MYO1D: variants seen among roughly 807,000 people sequenced by gnomAD.
MYO1D encodes myosin ID.
MYO1D carries 83 observed loss-of-function variants against 122.0 expected under a neutral mutation model. The observed-to-expected ratio is 0.68, with a 90% CI of 0.57 to 0.82. The LOEUF is 0.82. Ranked by LOEUF, MYO1D falls within the 40% of genes least tolerant of loss-of-function variation. The pLI is 0.00. For synonymous variants in MYO1D, 464 were observed against 446.9 expected, an observed-to-expected ratio of 1.04 and a Z score of -0.48; for missense variants, 1,157 against 1,269.5, an observed-to-expected ratio of 0.91 and a Z score of 1.35.
intron 14 of MYO1D, among the ~76,000 whole-genome samples, chr17:32,736,705 CAA>C: frequency 6.6e-6 from 1 of 152,258 alleles, no homozygotes; most frequent in Middle Eastern, 3.4e-3. Context: ...GTTTAGAAAA[CAA>C]AACAATTCTT....
intron 1 of MYO1D, among the ~76,000 whole-genome samples, chr17:32,839,792 G>A (rs1187336349): frequency 2.0e-5 from 3 of 152,100 alleles, no homozygotes; most frequent in Non-Finnish European, 4.4e-5. Flanking sequence ...CAGGGGATTT[G>A]TTATTCTGAA....
intron 3 of MYO1D, 65 bp from the exon 4 acceptor site, chr17:32,776,094 G>A: frequency 7.0e-7 from 1 of 1,434,056 alleles, no homozygotes; most frequent in Non-Finnish European, 9.6e-7. Flanking sequence ...TTAAAAACTG[G>A]ATTTTGCTAA....
chr17:32,508,208 T>C (rs914195626), intron 21 of MYO1D, among the ~76,000 whole-genome samples: 10 of 151,994 alleles, frequency 6.6e-5, no homozygotes, highest in African/African-American at 2.4e-4. Context: ...TGCTGGACTT[T>C]TATCTGGGAC....
chr17:32,670,971 T>C (rs1301735457), intron 16 of MYO1D, among the ~76,000 whole-genome samples: 1 of 152,174 alleles, frequency 6.6e-6, no homozygotes, highest in Non-Finnish European at 1.5e-5. Context: ...CCTCTGCCTG[T>C]GTCAATGGAG....
intron 5 of MYO1D, 59 bp downstream of exon 5, chr17:32,772,730 A>G (rs2090128421): frequency 2.9e-6 from 4 of 1,387,788 alleles, no homozygotes; most frequent in South Asian, 1.2e-5. Flanking sequence ...CAAGACACAA[A>G]TACTCATTTC....
intron 1 of MYO1D, among the ~76,000 whole-genome samples, chr17:32,783,494 G>A (rs1215989456): frequency 2.0e-5 from 3 of 152,288 alleles, no homozygotes; most frequent in East Asian, 1.9e-4. Context: ...TTTGGGTCCA[G>A]CCTGGACAAC....
chr17:32,706,305 C>T (rs996381291), intron 16 of MYO1D, among the ~76,000 whole-genome samples: 1 of 152,090 alleles, frequency 6.6e-6, no homozygotes, highest in African/African-American at 2.4e-5. Flanking sequence ...TGGGGTTTTG[C>T]CATAGTTGGC....
At chr17:32,674,461 G>C (rs1369688780) in intron 16 of MYO1D, among the ~76,000 whole-genome samples, 1 of 152,072 alleles carries the variant, frequency 6.6e-6, no homozygotes, top group African/African-American at 2.4e-5. Flanking sequence ...AGAAGGGAGA[G>C]AACACATCGT....
intron 16 of MYO1D, among the ~76,000 whole-genome samples, chr17:32,695,944 G>C (rs2150977251): frequency 6.6e-6 from 1 of 152,228 alleles, no homozygotes; most frequent in Admixed American, 6.5e-5. Flanking sequence ...TTTACTTTTA[G>C]GGGATCTTCA....
intron 1 of MYO1D, among the ~76,000 whole-genome samples, chr17:32,785,138 A>C (rs2090280853): frequency 6.6e-6 from 1 of 152,208 alleles, no homozygotes; most frequent in Admixed American, 6.5e-5. Flanking sequence ...CCTACTGAAC[A>C]TAAGGGACAA....
chr17:32,843,224 T>C (rs1287975306), intron 1 of MYO1D, among the ~76,000 whole-genome samples: 1 of 152,170 alleles, frequency 6.6e-6, no homozygotes, highest in East Asian at 1.9e-4. Context: ...GGAATTCCTC[T>C]TAAATTCAAG....
At chr17:32,495,112 C>T (rs1003733478) in intron 21 of MYO1D, among the ~76,000 whole-genome samples, 197 bp from the exon 22 acceptor site, 1 of 152,224 alleles carries the variant, frequency 6.6e-6, no homozygotes, top group Non-Finnish European at 1.5e-5. Flanking sequence ...ACAGCCTCGG[C>T]ACCATGGCAG....
At chr17:32,539,524 C>T (rs963643051) in intron 21 of MYO1D, among the ~76,000 whole-genome samples, 2 of 152,136 alleles carry the variant, frequency 1.3e-5, no homozygotes, top group African/African-American at 4.8e-5. Context: ...CCTCCAGAGC[C>T]TCTAGGGTTC....
At chr17:32,568,927 A>C (rs1400927230) in intron 21 of MYO1D, among the ~76,000 whole-genome samples, 5 of 152,102 alleles carry the variant, frequency 3.3e-5, no homozygotes, top group African/African-American at 4.8e-5. Flanking sequence ...ATTTGTTTTT[A>C]TGTGTATTGC....
Position 32,780,641 on chromosome 17 carries a change from G to A in MYO1D, c.239C>T (p.Ala80Val). 2 of 1,614,074 alleles carry A rather than the reference G, an allele frequency of 1.2e-6. No individual in the cohort carries two copies. Among genetic ancestry groups the A allele is most frequent in the Non-Finnish European group, 8.5e-7 (1 of 1,180,012 alleles). Residue 80 changes from alanine (A) to valine (V), a missense_variant, in exon 2 of 22, where the codon GCT (alanine) becomes GTT (valine). Ala to Val is a moderately conservative substitution (Grantham distance 64). Coordinates refer to ENST00000318217, the MANE Select transcript of MYO1D (RefSeq NM_015194.3). ...ELYERPPHLF[A>V]IADAAYKAMK... is the part of the protein sequence containing the mutation. ...AGCCTTGTAAGCAGCATCCGCAATA[G>A]CAAAAAGGTGAGGCGGTCTCTCATA... is the stretch of plus-strand genomic sequence containing the variant.
At chr17:32,638,975 G>A (rs2088148831) in intron 19 of MYO1D, 140 bp from the exon 20 acceptor site, 1 of 589,086 alleles carries the variant, frequency 1.7e-6, no homozygotes, top group African/African-American at 1.9e-5. Flanking sequence ...AAAAGGAGTA[G>A]CTGTTCCCAT....
At chr17:32,585,865 T>G (rs1730756105) in intron 21 of MYO1D, among the ~76,000 whole-genome samples, 1 of 152,222 alleles carries the variant, frequency 6.6e-6, no homozygotes, top group Admixed American at 6.5e-5. Flanking sequence ...ATTCCATATT[T>G]TTTTGAGACA....
chr17:32,570,036 A>G (rs1351087745), intron 21 of MYO1D, among the ~76,000 whole-genome samples: 2 of 152,176 alleles, frequency 1.3e-5, no homozygotes, highest in African/African-American at 4.8e-5. Context: ...GGAACTGTGG[A>G]ATATATTCCT....
At chr17:32,564,844 A>G (rs1051534988) in intron 21 of MYO1D, among the ~76,000 whole-genome samples, 2 of 152,166 alleles carry the variant, frequency 1.3e-5, no homozygotes, top group East Asian at 3.8e-4. Flanking sequence ...GCCTGTCTGC[A>G]TTTTGTGGTC....
Sources: allele counts gnomAD v4.1 joint callset (sites outside exome capture counted in the v4.1 genomes callset), GRCh38; gene constraint gnomAD v4.1.1; transcripts MANE v1.5; gene names NCBI Gene and HGNC (gene_info 2026-07-23, HGNC 2026-07-21).